The following LY75 variants were observed in gnomAD, a reference collection of about 807,000 sequenced individuals.
LY75 encodes the protein lymphocyte antigen 75, also known as C-type lectin domain family 13 member B.
A neutral mutation model predicts 231.7 loss-of-function variants in LY75; 185 were observed. The ratio of observed to expected loss-of-function variants is 0.80; its 90% CI spans 0.71 to 0.90. The LOEUF (loss-of-function observed/expected upper bound fraction) is 0.90. Ranked by LOEUF, LY75 falls within the 40% of genes least tolerant of loss-of-function variation. The probability of loss-of-function intolerance (pLI) is 0.00; values close to 1 mark genes in which losing one functional copy is unlikely to be tolerated. For synonymous variants in LY75, 668 were observed against 689.0 expected (o/e 0.97, Z 0.48); for missense variants, 1,947 against 2,050.2 (o/e 0.95, Z 0.97).
intron 16 of LY75, 70 bp downstream of exon 16, chr2:159,858,292 T>C (rs1684602868): frequency 6.4e-7 from 1 of 1,559,476 alleles, no homozygotes; most frequent in Non-Finnish European, 8.7e-7. Flanking sequence ...AATGCTCCCC[T>C]AGCTACTTTG....
intron 28 of LY75, among the ~76,000 whole-genome samples, chr2:159,828,985 T>C (rs1683566411): frequency 6.6e-6 from 1 of 152,158 alleles, no homozygotes; most frequent in Non-Finnish European, 1.5e-5. Flanking sequence ...AGTAGATCAG[T>C]GGTTGCTGAG....
intron 11 of LY75, among the ~76,000 whole-genome samples, chr2:159,878,072 T>C (rs1454236272): frequency 3.3e-5 from 5 of 152,214 alleles, no homozygotes; most frequent in African/African-American, 1.2e-4. Context: ...CTCACACTGG[T>C]GCTTCTAGCT....
At chr2:159,880,182 C>T (rs1685392190) in intron 8 of LY75, among the ~76,000 whole-genome samples, 1 of 152,172 alleles carries the variant, frequency 6.6e-6, no homozygotes, top group Non-Finnish European at 1.5e-5. Context: ...CTTTCATAAC[C>T]AATTAGGGGT....
At chr2:159,827,550 C>T (rs534400198) in intron 28 of LY75, among the ~76,000 whole-genome samples, 49 of 152,170 alleles carry the variant, frequency 3.2e-4, no homozygotes, top group Non-Finnish European at 6.2e-4. Flanking sequence ...GACAGTATGG[C>T]AATTCCTTAA....
At chr2:159,834,933 A>G (rs996153494) in intron 26 of LY75, among the ~76,000 whole-genome samples, 10 of 152,202 alleles carry the variant, frequency 6.6e-5, no homozygotes, top group African/African-American at 2.2e-4. Context: ...CTTTCCTCTG[A>G]CTGGGCTAGA....
chr2:159,850,800 T>TATATATATATA (rs1560081076), intron 21 of LY75, among the ~76,000 whole-genome samples: 57 of 59,394 alleles, frequency 9.6e-4, no homozygotes, highest in African/African-American at 2.9e-3. Flanking sequence ...ATATATATAT[T>TATATATATATA]ATATCTTATA....
At position 159,886,548 on chromosome 2, in the gene LY75, T is replaced by A. The variant is rs531540797; in HGVS notation, c.803-18A>T. ...TTCTTTTTCTGTAAGAATTAAAAAA[T>A]TTTTAAAAAGTGACAAAGTTGCCTA... On this transcript the variant is annotated intron_variant, in intron 4 of 34. Coordinates refer to ENST00000263636, the MANE Select transcript of LY75 (RefSeq NM_002349.4). 4.4e-6 allele frequency: 7 copies of A among 1,574,268 alleles called. No homozygotes were observed. The highest frequency in any genetic ancestry group is 2.7e-5 in the African/African-American group (2 of 73,442).
At position 159,815,571 on chromosome 2, in the gene LY75, T is replaced by C; in HGVS notation, c.4383A>G (p.Gly1461=). 1 of 1,611,790 alleles carries C rather than the reference T, an allele frequency of 6.2e-7. No individual in the cohort carries two copies. Among genetic ancestry groups the C allele is most frequent in the Non-Finnish European group, 8.5e-7 (1 of 1,179,490 alleles). Residue 1461 remains glycine (G), a splice_region_variant and synonymous_variant, in exon 31 of 35, where the codon GGA becomes GGG. Transcript: ENST00000263636. The part of the protein sequence containing the change: ...PLWVGLSSHD[G]SESSFEWSDG... ...CAGACCATTCAAAACTTGATTCACT[T>C]CCCTGTTGTAAGAACAATAGAGATA...
intron 28 of LY75, among the ~76,000 whole-genome samples, chr2:159,823,064 C>G (rs1179906759): frequency 6.6e-6 from 1 of 152,156 alleles, no homozygotes; most frequent in Non-Finnish European, 1.5e-5. Flanking sequence ...CAACTCTTCA[C>G]CAGCTAGCGA....
rs756527109 is a variant in LY75 at position 159,842,354 on chromosome 2, G to A, written c.3171C>T (p.Arg1057=). The A allele has an allele frequency of 6.2e-7, 1 of 1,611,074 alleles. No individual in the cohort carries two copies. The highest frequency in any genetic ancestry group is 1.1e-5 in the South Asian group (1 of 90,960). Residue 1057 remains arginine, a synonymous_variant, in exon 24 of 35, where the codon CGC becomes CGT. Coordinates refer to ENST00000263636, the MANE Select transcript of LY75 (RefSeq NM_002349.4). ...GGTTGAGTATTAGGGCACAGTGGTA[G>A]CGAGACTCTTCCTCAAAAAACTAAA... ...IPENFFEEES[R]YHCALILNLQ...
chr2:159,878,646 T>C lies in LY75; in HGVS notation c.1591A>G (p.Thr531Ala). Residue 531 changes from threonine (T) to alanine (A), a missense_variant, in exon 10 of 35, where the codon ACT becomes GCT. Transcript: ENST00000263636. ...TGATGGTCACACCTGCTAGTGATAGTCAGATTGCAGTTTGTTCCAAAAGGG... is the reference window on the plus strand; with the variant it reads ...TGATGGTCACACCTGCTAGTGATAGCCAGATTGCAGTTTGTTCCAAAAGGG... ...EVPFGTNCNL[T>A]ITSRFEQEYL... 6.2e-7 allele frequency: 1 copy of C among 1,614,040 alleles called. No individual in the cohort carries two copies. The highest frequency in any genetic ancestry group is 8.5e-7 in the Non-Finnish European group (1 of 1,179,950).
chr2:159,840,440 T>C (rs1016093527), intron 25 of LY75, among the ~76,000 whole-genome samples: 7 of 151,964 alleles, frequency 4.6e-5, no homozygotes, highest in African/African-American at 7.3e-5. Context: ...GGTATGGTGG[T>C]GTGTAACTGC....
chr2:159,887,000 T>A (rs2125879566), intron 4 of LY75, among the ~76,000 whole-genome samples: 1 of 151,820 alleles, frequency 6.6e-6, no homozygotes, highest in African/African-American at 2.4e-5. Flanking sequence ...CTTGCCCTCA[T>A]GAGAATTTCA....
chr2:159,884,599 G>A (rs1685532197), intron 6 of LY75, among the ~76,000 whole-genome samples: 1 of 152,148 alleles, frequency 6.6e-6, no homozygotes. Flanking sequence ...GGTGCTGTGG[G>A]GCACAAGGTA....
At chr2:159,818,751 C>A (rs1023689637) in intron 29 of LY75, among the ~76,000 whole-genome samples, 9 of 152,016 alleles carry the variant, frequency 5.9e-5, no homozygotes, top group Non-Finnish European at 2.9e-5. Context: ...ATCTTTGCAA[C>A]TTTTCTGTAA....
At chr2:159,882,486 T>C (rs532441161) in intron 6 of LY75, among the ~76,000 whole-genome samples, 171 bp from the exon 7 acceptor site, 1 of 152,316 alleles carries the variant, frequency 6.6e-6, no homozygotes, top group South Asian at 2.1e-4. Context: ...ATGAGGTATA[T>C]ATAGCATCAT....
chr2:159,815,248 G>A (rs1297607443), intron 31 of LY75, among the ~76,000 whole-genome samples, 157 bp downstream of exon 31: 7 of 152,080 alleles, frequency 4.6e-5, no homozygotes, highest in Admixed American at 3.9e-4. Context: ...TGATCCGCAC[G>A]CCTCGGCCTC....
chr2:159,850,791 T>TATATATATATATATATATATATAAAAAA (rs1341394980), intron 21 of LY75, among the ~76,000 whole-genome samples: 2 of 94,508 alleles, frequency 2.1e-5, no homozygotes, highest in Non-Finnish European at 4.6e-5. Context: ...TATATATATA[T>TATATATATATATATATATATATAAAAAA]ATATATATTA....
At chr2:159,893,806 GATA>G in intron 3 of LY75, 105 bp downstream of exon 3, 5 of 1,394,202 alleles carry the variant, frequency 3.6e-6, no homozygotes, top group Non-Finnish European at 4.8e-6. Flanking sequence ...TCTTATCCGG[GATA>G]ATATTTTTGC....
Sources: gnomAD v4.1 joint callset for allele counts (sites outside exome capture counted in the v4.1 genomes callset) on GRCh38, gnomAD v4.1.1 for gene constraint, MANE v1.5 for transcripts, NCBI Gene and HGNC (gene_info 2026-07-23, HGNC 2026-07-21) for gene names.